The following LYPD6 variants were observed in gnomAD, a reference collection of about 807,000 sequenced individuals.
LYPD6 encodes the protein LY6/PLAUR domain containing 6, also known as ly6/PLAUR domain-containing protein 6.
LYPD6 carries 15 observed loss-of-function variants against 22.7 expected under a neutral mutation model. The ratio of observed to expected loss-of-function variants is 0.66; its 90% CI spans 0.44 to 1.02. The LOEUF (loss-of-function observed/expected upper bound fraction) is 1.02. Ranked by LOEUF, LYPD6 falls within the 50% of genes least tolerant of loss-of-function variation. The pLI, the probability that LYPD6 is intolerant of heterozygous loss-of-function variation, is 0.00. For missense variants in LYPD6, 189 were observed against 208.4 expected (o/e 0.91, Z 0.57); for synonymous variants, 72 against 77.5 (o/e 0.93, Z 0.37).
downstream of LYPD6, among the ~76,000 whole-genome samples, chr2:149,479,065 C>T (rs938707676): frequency 6.6e-6 from 1 of 152,144 alleles, no homozygotes; most frequent in Non-Finnish European, 1.5e-5. Context: ...TCAGGCCTCA[C>T]AGTGAATTCA....
At chr2:149,479,226 G>A in the LYPD6 span, among the ~76,000 whole-genome samples, 1 of 152,130 alleles carries the variant, frequency 6.6e-6, no homozygotes, top group Non-Finnish European at 1.5e-5. Flanking sequence ...CACCCCAGAA[G>A]CTTTCCTACT....
At chr2:149,411,963 A>G (rs958940893) in intron 1 of LYPD6, among the ~76,000 whole-genome samples, 7 of 152,184 alleles carry the variant, frequency 4.6e-5, no homozygotes, top group South Asian at 2.1e-4. Context: ...AATATAGCAT[A>G]TGGTCTTCTT....
the LYPD6 span, among the ~76,000 whole-genome samples, chr2:149,483,104 A>G: frequency 1.3e-5 from 2 of 152,122 alleles, no homozygotes; most frequent in Non-Finnish European, 2.9e-5. Context: ...GTCTTAGTGG[A>G]GGGAAACCAG....
At chr2:149,331,819 G>A (rs1680944149) in intron 1 of LYPD6, among the ~76,000 whole-genome samples, 1 of 152,118 alleles carries the variant, frequency 6.6e-6, no homozygotes, top group African/African-American at 2.4e-5. Flanking sequence ...ATTCTCCAGG[G>A]GGAAGCTTAT....
intron 1 of LYPD6, among the ~76,000 whole-genome samples, chr2:149,431,416 A>G (rs573755669): frequency 1.3e-5 from 2 of 152,228 alleles, no homozygotes; most frequent in East Asian, 1.9e-4. Flanking sequence ...TCCATCAACT[A>G]CTGAGAATCT....
intron 1 of LYPD6, among the ~76,000 whole-genome samples, chr2:149,427,881 C>A (rs892880343): frequency 3.3e-5 from 5 of 152,212 alleles, no homozygotes; most frequent in African/African-American, 1.2e-4. Flanking sequence ...ACATCATTTG[C>A]CCTTCAGGAA....
chr2:149,370,450 A>G (rs1420499094), intron 1 of LYPD6: 1 of 152,056 alleles, frequency 6.6e-6, no homozygotes, highest in African/African-American at 2.4e-5. Flanking sequence ...AGTGGGATTA[A>G]TGACCTTATA....
intron 2 of LYPD6, among the ~76,000 whole-genome samples, chr2:149,439,511 G>T (rs1195342759): frequency 6.6e-6 from 1 of 152,170 alleles, no homozygotes; most frequent in Non-Finnish European, 1.5e-5. Flanking sequence ...CTCAACTTCA[G>T]TGACAGACTC....
chr2:149,342,279 A>G lies in LYPD6; in HGVS notation c.-72+11557A>G, dbSNP rs143430732. Among the ~76,000 whole-genome samples, 253 of 152,330 alleles carry G rather than the reference A, an allele frequency of 1.7e-3. 3 individuals carry two copies. The highest frequency in any genetic ancestry group is 5.7e-3 in the African/African-American group (236 of 41,576). On this transcript the variant is annotated intron_variant, in intron 1 of 4. Coordinates refer to ENST00000334166, the MANE Select transcript of LYPD6 (RefSeq NM_194317.5). Reference sequence around the variant, plus strand: ...CCTTCAACACTTGGGATCACATTTCAACATGAGATTTGGATGGGATACAAC... The same window carrying G: ...CCTTCAACACTTGGGATCACATTTCGACATGAGATTTGGATGGGATACAAC...
rs149619652 is a variant in LYPD6 at position 149,423,149 on chromosome 2, G to A, written c.-71-14489G>A. Among the ~76,000 whole-genome samples the A allele has an allele frequency of 4.3e-3, 654 of 152,178 alleles. 2 individuals are homozygous for A. The highest frequency in any genetic ancestry group is 6.8e-3 in the Middle Eastern group (2 of 294). ...AAGGAGGTACAGGGTGACCTCATAT[G>A]TACCTGGAGGATCAGCTGGACTGCC... On this transcript the variant is annotated intron_variant, in intron 1 of 4. Transcript: ENST00000334166.
At chr2:149,451,215 A>T (rs1489995709) in intron 3 of LYPD6, among the ~76,000 whole-genome samples, 1 of 152,154 alleles carries the variant, frequency 6.6e-6, no homozygotes, top group Non-Finnish European at 1.5e-5. Context: ...GAGGGGAGGA[A>T]CACTGTGGCC....
chr2:149,397,605 C>G (rs1436625143), intron 1 of LYPD6, among the ~76,000 whole-genome samples: 1 of 152,214 alleles, frequency 6.6e-6, no homozygotes, highest in African/African-American at 2.4e-5. Context: ...AGACTAGAAT[C>G]TGGCACTGAA....
At chr2:149,374,145 C>T (rs1032796315) in intron 1 of LYPD6, among the ~76,000 whole-genome samples, 1 of 152,064 alleles carries the variant, frequency 6.6e-6, no homozygotes, top group African/African-American at 2.4e-5. Flanking sequence ...TTTTCTTAAA[C>T]TTATGGAAAT....
chr2:149,355,584 A>G (rs1231314676), intron 1 of LYPD6, among the ~76,000 whole-genome samples: 3 of 152,136 alleles, frequency 2.0e-5, no homozygotes, highest in Non-Finnish European at 4.4e-5. Flanking sequence ...ACATACATAT[A>G]TATGCACATA....
intron 1 of LYPD6, among the ~76,000 whole-genome samples, chr2:149,381,832 C>G (rs1411852803): frequency 6.6e-6 from 1 of 152,152 alleles, no homozygotes; most frequent in East Asian, 1.9e-4. Context: ...AAGTGTGGAT[C>G]TCAAATCCAG....
At chr2:149,347,801 A>G (rs931529677) in intron 1 of LYPD6, among the ~76,000 whole-genome samples, 2 of 152,204 alleles carry the variant, frequency 1.3e-5, no homozygotes, top group African/African-American at 2.4e-5. Flanking sequence ...TTGCATGAAC[A>G]CTGTCTATAT....
chr2:149,404,464 G>C (rs1682646117), intron 1 of LYPD6, among the ~76,000 whole-genome samples: 1 of 152,146 alleles, frequency 6.6e-6, no homozygotes, highest in South Asian at 2.1e-4. Context: ...TTGTAAGTTG[G>C]ATTCCTAGGT....
chr2:149,485,099 C>G, the LYPD6 span, among the ~76,000 whole-genome samples: 2 of 152,128 alleles, frequency 1.3e-5, no homozygotes, highest in African/African-American at 2.4e-5. Flanking sequence ...ATCACGGGCC[C>G]CTCAGCACAA....
chr2:149,355,978 G>C (rs1681440885), intron 1 of LYPD6, among the ~76,000 whole-genome samples: 1 of 151,736 alleles, frequency 6.6e-6, no homozygotes, highest in Admixed American at 6.6e-5. Context: ...CCACCCCTCT[G>C]TTATGTTATT....
Sources: allele counts gnomAD v4.1 joint callset (sites outside exome capture counted in the v4.1 genomes callset), GRCh38; gene constraint gnomAD v4.1.1; transcripts MANE v1.5; gene names NCBI Gene and HGNC (gene_info 2026-07-23, HGNC 2026-07-21).